The following GALNT17 variants were observed in gnomAD, a reference collection of about 807,000 sequenced individuals.
GALNT17 encodes the protein polypeptide N-acetylgalactosaminyltransferase 17.
In GALNT17, 29 loss-of-function variants were observed where a neutral mutation model predicts 63.7. The ratio of observed to expected loss-of-function variants is 0.46; its 90% CI spans 0.34 to 0.62. GALNT17 has a LOEUF of 0.62. Among genes scored for constraint, GALNT17 ranks in the 20% least tolerant of loss-of-function variants. GALNT17 has a pLI of 0.01. For missense variants in GALNT17, 603 were observed against 799.6 expected (o/e 0.75, Z 2.97); for synonymous variants, 305 against 318.3 (o/e 0.96, Z 0.45).
At chr7:71,421,454 T>G (rs1352733146) in intron 5 of GALNT17, among the ~76,000 whole-genome samples, 1 of 152,230 alleles carries the variant, frequency 6.6e-6, no homozygotes, top group Non-Finnish European at 1.5e-5. Flanking sequence ...TATTTTATAC[T>G]TGAAGCCTTG....
intron 1 of GALNT17, among the ~76,000 whole-genome samples, chr7:71,237,065 C>A (rs1373764309): frequency 6.6e-6 from 1 of 152,146 alleles, no homozygotes; most frequent in Non-Finnish European, 1.5e-5. Context: ...CTGCCACATT[C>A]TTTTTTGGGG....
chr7:71,491,342 T>G (rs1458488927), intron 5 of GALNT17, among the ~76,000 whole-genome samples: 2 of 152,124 alleles, frequency 1.3e-5, no homozygotes, highest in Admixed American at 1.3e-4. Context: ...CCAGCAGCCT[T>G]CATTTTTTCC....
intron 1 of GALNT17, among the ~76,000 whole-genome samples, chr7:71,162,772 G>A (rs1262188154): frequency 6.6e-6 from 1 of 152,192 alleles, no homozygotes; most frequent in Non-Finnish European, 1.5e-5. Context: ...GCACAGAGGA[G>A]AGAGAACTCC....
chr7:71,302,977 G>A (rs1007961688), intron 1 of GALNT17, among the ~76,000 whole-genome samples: 3 of 151,980 alleles, frequency 2.0e-5, no homozygotes, highest in African/African-American at 7.3e-5. Flanking sequence ...CAATTCTCCT[G>A]CCTCAGCCTC....
At chr7:71,261,828 G>T (rs2115630198) in intron 1 of GALNT17, among the ~76,000 whole-genome samples, 1 of 152,198 alleles carries the variant, frequency 6.6e-6, no homozygotes, top group East Asian at 1.9e-4. Context: ...TTAGGAATCG[G>T]AGGTGGTAGT....
chr7:71,185,810 A>G (rs536084268), intron 1 of GALNT17, among the ~76,000 whole-genome samples: 1 of 152,138 alleles, frequency 6.6e-6, no homozygotes, highest in Non-Finnish European at 1.5e-5. Flanking sequence ...CCCGGCCCCC[A>G]TTCTGTAATT....
At chr7:71,311,887 C>T (rs1791419963) in intron 1 of GALNT17, among the ~76,000 whole-genome samples, 1 of 152,100 alleles carries the variant, frequency 6.6e-6, no homozygotes, top group Admixed American at 6.6e-5. Context: ...ACTAGCTGTC[C>T]CTCCATCTGC....
At chr7:71,681,882 G>T (rs144782003) in intron 9 of GALNT17, among the ~76,000 whole-genome samples, 71 of 152,212 alleles carry the variant, frequency 4.7e-4, no homozygotes, top group African/African-American at 1.6e-3. Context: ...TGCTTTGGGT[G>T]TTTCAGGGGA....
intron 5 of GALNT17, among the ~76,000 whole-genome samples, chr7:71,544,222 C>G (rs1251191316): frequency 1.3e-5 from 2 of 150,774 alleles, no homozygotes; most frequent in Admixed American, 1.3e-4. Context: ...AGCTCCGCCT[C>G]CTGGGTTCAT....
intron 6 of GALNT17, among the ~76,000 whole-genome samples, chr7:71,662,164 T>A (rs559726990): frequency 6.6e-6 from 1 of 152,280 alleles, no homozygotes; most frequent in East Asian, 1.9e-4. Flanking sequence ...TGTGTTCTTA[T>A]GACTGGGTTT....
At chr7:71,187,720 C>T (rs1319519415) in intron 1 of GALNT17, among the ~76,000 whole-genome samples, 1 of 152,048 alleles carries the variant, frequency 6.6e-6, no homozygotes, top group Non-Finnish European at 1.5e-5. Context: ...CTGTTGAAGA[C>T]CCAATTACTT....
chr7:71,265,118 ATTTTTTTTTTT>A lies in GALNT17; in HGVS notation c.239-70416_239-70406del, dbSNP rs60738546. Among the ~76,000 whole-genome samples the A allele has an allele frequency of 2.7e-3, 102 of 37,450 alleles. 5 individuals are homozygous for A. Among genetic ancestry groups the A allele is most frequent in the South Asian group, 0.012 (10 of 806 alleles). The allele number at this position is 37,450 out of a possible 152,430, so 24.6% of individuals were successfully genotyped here. A position where few individuals can be genotyped will look rare whatever the true frequency, so the allele number is the denominator to read the frequency against. On this transcript the variant is annotated intron_variant, in intron 1 of 10. Transcript: ENST00000333538. ...AAATATTATATATATATATATATAT[ATTTTTTTTTTT>A]TTTTTTTTTTTTTTTGAGATGGAGT...
chr7:71,146,387 A>G lies in GALNT17; in HGVS notation c.238+13347A>G, dbSNP rs185414868. 2.9e-3 allele frequency among the ~76,000 whole-genome samples: 448 copies of G among 152,282 alleles called. 4 individuals carry two copies. The highest frequency in any genetic ancestry group is 0.01 in the African/African-American group (424 of 41,552). On this transcript the variant is annotated intron_variant, in intron 1 of 10. Transcript: ENST00000333538. ...CAGGGGCAAGACCTGACTTCCTAGC[A>G]GCTCCTTAAGGGACAAGAGATGGAA...
At chr7:71,423,658 A>C (rs1786706631) in intron 5 of GALNT17, among the ~76,000 whole-genome samples, 2 of 152,180 alleles carry the variant, frequency 1.3e-5, no homozygotes, top group Admixed American at 1.3e-4. Flanking sequence ...CCTCACCTGT[A>C]ATCTCAGCAC....
At chr7:71,263,772 A>G (rs760087898) in intron 1 of GALNT17, among the ~76,000 whole-genome samples, 15 of 151,888 alleles carry the variant, frequency 9.9e-5, no homozygotes, top group Non-Finnish European at 2.1e-4. Context: ...AAAAATACAA[A>G]AAGTTAGCCG....
intron 5 of GALNT17, among the ~76,000 whole-genome samples, chr7:71,547,929 TTAA>T (rs1368442408): frequency 1.3e-5 from 2 of 151,750 alleles, no homozygotes; most frequent in Non-Finnish European, 2.9e-5. Context: ...TGTGAGAGAG[TTAA>T]AAGTTCATAG....
At chr7:71,264,465 A>G (rs1882571) in intron 1 of GALNT17, among the ~76,000 whole-genome samples, 44,879 of 151,998 alleles carry the variant, frequency 0.3, 6,875 homozygotes, top group East Asian at 0.54. Flanking sequence ...ACCCTCCACA[A>G]TCCTAGTGCT....
chr7:71,276,778 A>G (rs1364034804), intron 1 of GALNT17, among the ~76,000 whole-genome samples: 2 of 152,100 alleles, frequency 1.3e-5, no homozygotes, highest in Non-Finnish European at 2.9e-5. Context: ...CGGGTAGATC[A>G]TTTGAGGTCA....
chr7:71,151,291 A>G (rs1166593290), intron 1 of GALNT17, among the ~76,000 whole-genome samples: 2 of 152,188 alleles, frequency 1.3e-5, no homozygotes, highest in Admixed American at 6.5e-5. Context: ...ACCTATTTCT[A>G]GGTCAGCTTC....
Sources: allele counts gnomAD v4.1 joint callset (sites outside exome capture counted in the v4.1 genomes callset), GRCh38; gene constraint gnomAD v4.1.1; transcripts MANE v1.5; gene names NCBI Gene and HGNC (gene_info 2026-07-23, HGNC 2026-07-21).